Variants in SCAI observed in about 807,000 individuals in gnomAD.
SCAI encodes the protein protein SCAI.
In SCAI, 24 loss-of-function variants were observed where a neutral mutation model predicts 92.2. That is an observed-to-expected ratio of 0.26 (90% CI 0.19 to 0.37). SCAI has a LOEUF of 0.37. Among genes scored for constraint, SCAI ranks in the 10% least tolerant of loss-of-function variants. The probability of loss-of-function intolerance (pLI) is 1.00; values close to 1 mark genes in which losing one functional copy is unlikely to be tolerated. For synonymous variants in SCAI, 261 were observed against 258.6 expected, an observed-to-expected ratio of 1.01 and a Z score of -0.09; for missense variants, 450 against 736.2, an observed-to-expected ratio of 0.61 and a Z score of 4.50.
chr9:124,964,006 TC>T (rs1485944002), intron 17 of SCAI, among the ~76,000 whole-genome samples: 1 of 152,000 alleles, frequency 6.6e-6, no homozygotes, highest in Non-Finnish European at 1.5e-5. Flanking sequence ...TGCAAATATG[TC>T]ATAATTTGTG....
chr9:125,125,251 G>C (rs1277383529), intron 2 of SCAI, among the ~76,000 whole-genome samples: 1 of 151,648 alleles, frequency 6.6e-6, no homozygotes, highest in African/African-American at 2.4e-5. Context: ...TAAAAATGAA[G>C]GCCAGGCGCG....
At chr9:125,085,716 G>GA (rs1371145973) in intron 2 of SCAI, among the ~76,000 whole-genome samples, 1 of 152,170 alleles carries the variant, frequency 6.6e-6, no homozygotes, top group Non-Finnish European at 1.5e-5. Context: ...AGGAGGCTGA[G>GA]AATGCAGTGA....
At chr9:124,958,783 T>C (rs753720625) in intron 17 of SCAI, among the ~76,000 whole-genome samples, 6 of 151,760 alleles carry the variant, frequency 4.0e-5, no homozygotes, top group Non-Finnish European at 8.8e-5. Context: ...GGTGGGCACC[T>C]GTAATACCAG....
At chr9:125,140,690 C>CAAAAA (rs35807255) in intron 2 of SCAI, among the ~76,000 whole-genome samples, 48 of 76,118 alleles carry the variant, frequency 6.3e-4, no homozygotes, top group Non-Finnish European at 8.7e-4. Context: ...CTTGTCTCTA[C>CAAAAA]AAAAAAAAAA....
At chr9:125,113,031 T>C (rs1834961478) in intron 2 of SCAI, among the ~76,000 whole-genome samples, 1 of 152,188 alleles carries the variant, frequency 6.6e-6, no homozygotes, top group African/African-American at 2.4e-5. Context: ...AAATCTTAAA[T>C]GAAGAAAAAC....
intron 14 of SCAI, among the ~76,000 whole-genome samples, chr9:124,986,351 A>G (rs768716958): frequency 2.0e-5 from 3 of 152,244 alleles, no homozygotes; most frequent in Non-Finnish European, 2.9e-5. Context: ...CATATAATTT[A>G]TCAACATGAA....
rs1032563488 is a variant in SCAI at position 125,107,583 on chromosome 9, T to C, written c.98+35050A>G. Among the ~76,000 whole-genome samples the C allele has an allele frequency of 2.2e-4, 34 of 151,942 alleles. 1 individual carries two copies. The highest frequency in any genetic ancestry group is 6.5e-4 in the African/African-American group (27 of 41,348). On this transcript the variant is annotated intron_variant, in intron 2 of 17. Coordinates refer to ENST00000336505, the MANE Select transcript of SCAI (RefSeq NM_001144877.3). ...GAATTCAAGAGCAGCCTGGGCAACA[T>C]AGTGAGACTCTGTCTCTAAGAAAAT...
At chr9:124,966,858 C>CTG (rs1831551343) in intron 17 of SCAI, among the ~76,000 whole-genome samples, 1 of 151,036 alleles carries the variant, frequency 6.6e-6, no homozygotes, top group Non-Finnish European at 1.5e-5. Context: ...AGCAGTCCTC[C>CTG]TGCCTCAGCC....
intron 2 of SCAI, among the ~76,000 whole-genome samples, chr9:125,108,408 A>G (rs1834855934): frequency 6.7e-6 from 1 of 148,816 alleles, no homozygotes; most frequent in African/African-American, 2.5e-5. Context: ...CCCAGCCACC[A>G]TCCCATCTAG....
intron 2 of SCAI, among the ~76,000 whole-genome samples, chr9:125,066,808 A>G (rs1833880918): frequency 1.3e-5 from 2 of 151,828 alleles, no homozygotes; most frequent in African/African-American, 2.4e-5. Flanking sequence ...AATCTCTTAC[A>G]TTGTGTTTTT....
At chr9:125,116,443 CT>C (rs1237950477) in intron 2 of SCAI, among the ~76,000 whole-genome samples, 1 of 151,916 alleles carries the variant, frequency 6.6e-6, no homozygotes, top group African/African-American at 2.4e-5. Context: ...TACACACAAA[CT>C]TTTTTATTTA....
intron 17 of SCAI, among the ~76,000 whole-genome samples, chr9:124,962,806 CTTTT>C (rs575698965): frequency 7.0e-6 from 1 of 143,550 alleles, no homozygotes; most frequent in Non-Finnish European, 1.5e-5. Flanking sequence ...CTTTCTTTTT[CTTTT>C]TTTTTTTTGA....
At chr9:125,109,918 C>T (rs58777573) in intron 2 of SCAI, among the ~76,000 whole-genome samples, 2,015 of 152,234 alleles carry the variant, frequency 0.013, 35 homozygotes, top group African/African-American at 0.044. Flanking sequence ...AAACTCCTGA[C>T]CTCAAGTGAC....
chr9:124,998,181 C>T (rs1832283467), intron 13 of SCAI, among the ~76,000 whole-genome samples: 1 of 151,972 alleles, frequency 6.6e-6, no homozygotes, highest in African/African-American at 2.4e-5. Flanking sequence ...TTAAAAAATT[C>T]AGGCCCAGCG....
chr9:124,996,715 C>T (rs988561373), intron 13 of SCAI, among the ~76,000 whole-genome samples: 1 of 151,306 alleles, frequency 6.6e-6, no homozygotes, highest in South Asian at 2.1e-4. Context: ...CTGCAACCTC[C>T]GCCTCCCACG....
chr9:124,974,108 T>C (rs1173782780), intron 15 of SCAI: 1 of 312,416 alleles, frequency 3.2e-6, no homozygotes, highest in Non-Finnish European at 6.4e-6. Flanking sequence ...ACAAGACATT[T>C]GGCTCTGTGA....
chr9:124,963,162 G>A (rs1831475138), intron 17 of SCAI, among the ~76,000 whole-genome samples: 1 of 148,018 alleles, frequency 6.8e-6, no homozygotes, highest in African/African-American at 2.5e-5. Flanking sequence ...CCGAGACGGA[G>A]TTTTGCTTTT....
chr9:125,142,058 G>A (rs952247211), intron 2 of SCAI, among the ~76,000 whole-genome samples: 16 of 152,188 alleles, frequency 1.1e-4, no homozygotes, highest in African/African-American at 3.1e-4. Flanking sequence ...AGCCTCTTGA[G>A]AAGCTGGGAC....
intron 2 of SCAI, among the ~76,000 whole-genome samples, chr9:125,074,062 G>A (rs542305509): frequency 5.9e-5 from 9 of 151,340 alleles, no homozygotes; most frequent in South Asian, 4.2e-4. Context: ...GATCGAGACC[G>A]TCCTGGCTAA....
Sources: gnomAD v4.1 joint callset for allele counts (sites outside exome capture counted in the v4.1 genomes callset) on GRCh38, gnomAD v4.1.1 for gene constraint, MANE v1.5 for transcripts, NCBI Gene and HGNC (gene_info 2026-07-23, HGNC 2026-07-21) for gene names.